Variants in TTN observed in about 807,000 individuals in gnomAD.
TTN encodes the protein connectin.
TTN carries 1,525 observed loss-of-function variants against 3,223.0 expected under a neutral mutation model. The observed-to-expected ratio is 0.47, with a 90% confidence interval of 0.45 to 0.49. The LOEUF is 0.49. Ranked by LOEUF, TTN falls within the 20% of genes least tolerant of loss-of-function variation. The probability of loss-of-function intolerance (pLI) is 0.00; values close to 1 mark genes in which losing one functional copy is unlikely to be tolerated. For synonymous variants in TTN, 14,094 were observed against 15,161.0 expected, an observed-to-expected ratio of 0.93 and a Z score of 5.17; for missense variants, 40,786 against 43,424.0, an observed-to-expected ratio of 0.94 and a Z score of 5.40.
At position 178,579,068 on chromosome 2, in the gene TTN, A is replaced by G. The variant is rs779729130; in HGVS notation, c.67962T>C (p.Asp22654=). The part of the protein sequence containing the change: ...PGIPTGPIKF[D]EVTAEAMTLK... ...AGGTCATGGCTTCTGCTGTGACTTC[A>G]TCAAATTTGATTGGTCCAGTGGGGA... The change falls in exon 320 of 363, where the codon GAT becomes GAC. Residue 22654 remains aspartate, a synonymous_variant. Coordinates refer to ENST00000589042, the MANE Select transcript of TTN (RefSeq NM_001267550.2). 6.2e-7 allele frequency: 1 copy of G among 1,613,284 alleles called. No homozygotes were observed. The highest frequency in any genetic ancestry group is 1.1e-5 in the South Asian group (1 of 91,078).
chr2:178,569,555 C>T lies in TTN; in HGVS notation c.76577G>A (p.Gly25526Asp), dbSNP rs369344156. Residue 25526 changes from glycine to aspartate, a missense_variant, in exon 326 of 363, where the codon GGC becomes GAC. Physicochemically the swap from Gly to Asp is moderately conservative, Grantham distance 94. Coordinates refer to ENST00000589042, the MANE Select transcript of TTN (RefSeq NM_001267550.2). ...LRKIINIRAG[G>D]SLRLFVPIKG... ...TATAGGAACAAATAACCTTAAGGAG[C>T]CACCTGCCCTTATATTTATGATTTT... 31 of 1,612,802 alleles carry T rather than the reference C, an allele frequency of 1.9e-5. No individual in the cohort carries two copies. The highest frequency in any genetic ancestry group is 2.3e-5 in the Non-Finnish European group (27 of 1,179,494).
rs1305177155 is a variant in TTN, at chr2:178,609,806, G to T, written c.51617C>A (p.Thr17206Asn). 7.4e-6 allele frequency: 12 copies of T among 1,612,666 alleles called. No individual in the cohort carries two copies. The Admixed American group carries it at 1.0e-4, about 13-fold the overall frequency. Reference sequence around the variant, plus strand: ...CTCTTCAAGTCCTTTTGCTGTATAGGTCAGGATTGGTACCAGGTGTTCATT... The same window carrying T: ...CTCTTCAAGTCCTTTTGCTGTATAGTTCAGGATTGGTACCAGGTGTTCATT... The part of the protein sequence containing the change: ...RCNEHLVPIL[T>N]YTAKGLEEGK... The change falls in exon 272 of 363, where the codon ACC becomes AAC. Residue 17206 changes from threonine to asparagine, a missense_variant. Physicochemically the swap from Thr to Asn is moderately conservative, Grantham distance 65 (BLOSUM62 0). Coordinates refer to ENST00000589042, the MANE Select transcript of TTN (RefSeq NM_001267550.2).
rs1242901591 is a variant in TTN, at chr2:178,715,410, C to T, written c.25921+83G>A. The T allele has an allele frequency of 3.9e-6, 6 of 1,527,864 alleles. No homozygotes were observed. The African/African-American group carries it at 5.6e-5, about 14-fold the overall frequency. 94.6% of individuals were successfully genotyped at this position (1,527,864 alleles called of 1,614,324 possible). ...GTGTCCTTTCCCTATTTTAAAACAT[C>T]GTTGAAGAGTCAAACAGGAAGTTAA... is the stretch of plus-strand genomic sequence containing the variant. On this transcript the variant is annotated intron_variant, in intron 89 of 362. Transcript: ENST00000589042.
Position 178,546,783 on chromosome 2 carries a change from T to C in TTN, c.94645A>G (p.Ser31549Gly), listed in dbSNP as rs1202729127. Residue 31549 changes from serine (S) to glycine (G), a missense_variant, in exon 341 of 363, where the codon AGT (serine) becomes GGT (glycine). Transcript: ENST00000589042. ...VGYIIERKPV[S>G]EVGDGRWLKC... ...AGCCAGCGACCATCTCCTACCTCAC[T>C]GACTGGCTTACGCTCTATGATGTAG... is the stretch of plus-strand genomic sequence containing the variant. 6.2e-7 allele frequency: 1 copy of C among 1,613,758 alleles called. No individual in the cohort carries two copies. The highest frequency in any genetic ancestry group is 1.7e-5 in the Admixed American group (1 of 59,994).
rs1268712203 is a variant in TTN at position 178,591,101 on chromosome 2, A to G, written c.60624T>C (p.Ile20208=). The G allele has an allele frequency of 5.6e-6, 9 of 1,613,164 alleles. No homozygotes were observed. The highest frequency in any genetic ancestry group is 6.8e-6 in the Non-Finnish European group (8 of 1,179,530). ...DDGGSPVINY[I]VEKQDTRKDT... is the part of the protein sequence containing the mutation. ...CTTTCCTTGTATCTTGTTTCTCAAC[A>G]ATATAATTTATCACAGGGCTTCCTC... Residue 20208 remains isoleucine, a synonymous_variant, in exon 304 of 363, where the codon ATT becomes ATC. Transcript: ENST00000589042.
intron 232 of TTN, 25 bp from the exon 233 acceptor site, chr2:178,633,351 A>T: frequency 6.2e-7 from 1 of 1,612,930 alleles, no homozygotes; most frequent in Non-Finnish European, 8.5e-7. Context: ...TTTTGTTAGC[A>T]TGACTGAACT....
chr2:178,545,461 C>T lies in TTN; in HGVS notation c.95649G>A (p.Val31883=), dbSNP rs1553520236. ...LMEGCDYQFR[V]TAVNAAGNSE... ...TGTTACCAGCTGCATTCACTGCGGT[C>T]ACCCGGAACTGGTAATCACAACCCT... The change falls in exon 344 of 363, where the codon GTG becomes GTA. Residue 31883 remains valine, a synonymous_variant. Coordinates refer to ENST00000589042, the MANE Select transcript of TTN (RefSeq NM_001267550.2). 6.2e-7 allele frequency: 1 copy of T among 1,611,892 alleles called. No homozygotes were observed. Among genetic ancestry groups the T allele is most frequent in the African/African-American group, 1.3e-5 (1 of 74,900 alleles).
chr2:178,746,842 A>T, intron 47 of TTN: 1 of 1,613,450 alleles, frequency 6.2e-7, no homozygotes. Context: ...TCAGAGGTTC[A>T]ATAAAAGATG....
Position 178,682,701 on chromosome 2 carries a change from G to A in TTN, c.33090C>T (p.Ile11030=). 6.2e-7 allele frequency: 1 copy of A among 1,610,980 alleles called. No homozygotes were observed. Among genetic ancestry groups the A allele is most frequent in the Non-Finnish European group, 8.5e-7 (1 of 1,178,632 alleles). The stretch of plus-strand genomic sequence containing the variant: ...AGTTTGCAGTTTTGCTCATACCTGT[G>A]ATGTATTCTTCATGCTCTTCATATC... ...YERYEEHEEY[I]TEPEKPIPVK... Residue 11030 remains isoleucine, a synonymous_variant, in exon 135 of 363, where the codon ATC becomes ATT. Transcript: ENST00000589042.
Position 178,580,430 on chromosome 2 carries a change from T to C in TTN, c.66949A>G (p.Thr22317Ala). ...TTCACATTTTCACAGCGCAAGAAAG[T>C]GTCAAAGTCAGTTGACTTTATGTCC... ...GLDIKSTDFD[T>A]FLRCENVNKY... The change falls in exon 317 of 363, where the codon ACT becomes GCT. Residue 22317 changes from threonine (T) to alanine (A), a missense_variant. Thr to Ala is a moderately conservative substitution (Grantham distance 58, BLOSUM62 0). Coordinates refer to ENST00000589042, the MANE Select transcript of TTN (RefSeq NM_001267550.2). 6.2e-7 allele frequency: 1 copy of C among 1,613,284 alleles called. No homozygotes were observed. Among genetic ancestry groups the C allele is most frequent in the Non-Finnish European group, 8.5e-7 (1 of 1,179,492 alleles).
chr2:178,542,020 C>T, intron 349 of TTN: 1 of 372,426 alleles, frequency 2.7e-6, no homozygotes, highest in Non-Finnish European at 4.8e-6. Context: ...TTCCTAACTC[C>T]CTCCTCTTCT....
At chr2:178,737,895 GA>G (rs2081806126) in intron 49 of TTN, 186 bp downstream of exon 49, 19 of 608,580 alleles carry the variant, frequency 3.1e-5, no homozygotes, top group Non-Finnish European at 4.7e-5. Context: ...GTCAGTAGTA[GA>G]AATGTGACTG....
rs745332301 is a variant in TTN, at chr2:178,741,748, C to A, written c.11485G>T (p.Ala3829Ser). The change falls in exon 48 of 363, where the codon GCT becomes TCT. Residue 3829 changes from alanine to serine, a missense_variant. Transcript: ENST00000589042. ...GCCACATCCCCCATGCTTATATCAG[C>A]ATTTGACACTTCTTTGATGAAAATT... ...GPIFIKEVSNADISMGDVATL... is the reference protein window; with the variant it reads ...GPIFIKEVSNSDISMGDVATL... The A allele has an allele frequency of 6.2e-7, 1 of 1,613,646 alleles. No individual in the cohort carries two copies. Among genetic ancestry groups the A allele is most frequent in the East Asian group, 2.2e-5 (1 of 44,808 alleles).
chr2:178,642,303 T>C lies in TTN; in HGVS notation c.40492A>G (p.Lys13498Glu). The C allele has an allele frequency of 6.3e-7, 1 of 1,592,398 alleles. No homozygotes were observed. The highest frequency in any genetic ancestry group is 8.6e-7 in the Non-Finnish European group (1 of 1,168,598). Residue 13498 changes from lysine (K) to glutamate (E), a missense_variant, in exon 219 of 363, where the codon AAG (lysine) becomes GAG (glutamate). Transcript: ENST00000589042. The part of the protein sequence containing the change: ...LTPLKVPGGE[K>E]KVRKLLPERK... ...TCCGGAAGTAATTTGCGAACTTTCTTTTCACCTCCAGGCACTTAAAAGAAT... is the reference window on the plus strand; with the variant it reads ...TCCGGAAGTAATTTGCGAACTTTCTCTTCACCTCCAGGCACTTAAAAGAAT...
In TTN at chr2:178,569,878, G is replaced by C; in HGVS notation, c.76254C>G (p.Thr25418=). 1 of 1,613,388 alleles carries C rather than the reference G, an allele frequency of 6.2e-7. No homozygotes were observed. The change falls in exon 326 of 363, where the codon ACC becomes ACG. Residue 25418 remains threonine (T), a synonymous_variant. Coordinates refer to ENST00000589042, the MANE Select transcript of TTN (RefSeq NM_001267550.2). ...TCCAAGAAAGGAATACTGAAGATCT[G>C]GTTATGTCTATGACTTTGGGGTTGT... ...PPNNPKVIDI[T]RSSVFLSWSK...
At chr2:178,654,167 A>G in intron 193 of TTN, 41 bp downstream of exon 193, 1 of 1,587,332 alleles carries the variant, frequency 6.3e-7, no homozygotes, top group South Asian at 1.1e-5. Flanking sequence ...TGAGGGGTAC[A>G]GACAGTAAGT....
rs1190092477 is a variant in TTN, at chr2:178,699,941, T to TCCTGACCTCGTGATCCGC, written c.30683-1045_30683-1028dup. Among the ~76,000 whole-genome samples the TCCTGACCTCGTGATCCGC allele has an allele frequency of 9.3e-5, 14 of 151,168 alleles. No homozygotes were observed. In the East Asian group the frequency reaches 2.5e-3, roughly 27 times the overall value. On this transcript the variant is annotated intron_variant, in intron 111 of 362. Coordinates refer to ENST00000589042, the MANE Select transcript of TTN (RefSeq NM_001267550.2). ...ACGCGGTTTCATCGTGGTCTCGATCTCCTGACCTCGTGATCCGCCCACCTC... is the reference window on the plus strand; with the variant it reads ...ACGCGGTTTCATCGTGGTCTCGATCTCCTGACCTCGTGATCCGCCCTGACCTCGTGATCCGCCCACCTC...
rs368543748 is a variant in TTN, at chr2:178,739,228, C to T, written c.14005G>A (p.Glu4669Lys). 3.7e-5 allele frequency: 58 copies of T among 1,580,242 alleles called. No individual in the cohort carries two copies. The East Asian group carries it at 4.7e-4, about 13-fold the overall frequency. Residue 4669 changes from glutamate to lysine, a missense_variant, in exon 48 of 363, where the codon GAA (glutamate) becomes AAA (lysine). By Grantham distance (56) the Glu-to-Lys change is moderately conservative (BLOSUM62 1). Transcript: ENST00000589042. ...CAGACATACTCTCCTTGATGGTCTT[C>T]GGTATTTACTTTGTCGATGACTAGC... ...YTLVIDKVNT[E>K]DHQGEYVCEA...
intron 48 of TTN, among the ~76,000 whole-genome samples, chr2:178,738,762 A>G (rs1217898566): frequency 2.6e-5 from 4 of 152,130 alleles, no homozygotes; most frequent in Non-Finnish European, 5.9e-5. Flanking sequence ...CAGACAACTA[A>G]TCATGGTTAT....
Sources: gnomAD v4.1 joint callset for allele counts (sites outside exome capture counted in the v4.1 genomes callset) on GRCh38, gnomAD v4.1.1 for gene constraint, MANE v1.5 for transcripts, NCBI Gene and HGNC (gene_info 2026-07-23, HGNC 2026-07-21) for gene names.